The following CTNNA3 variants were observed in gnomAD, a reference collection of about 807,000 sequenced individuals.
The protein encoded by CTNNA3 is catenin alpha 3, also known as catenin alpha-3.
A neutral mutation model predicts 95.7 loss-of-function variants in CTNNA3; 76 were observed. That is an observed-to-expected ratio of 0.79 (90% CI 0.66 to 0.96). CTNNA3 has a LOEUF of 0.96. Among genes scored for constraint, CTNNA3 ranks in the 40% least tolerant of loss-of-function variants. The pLI is 0.00. For missense variants in CTNNA3, 1,191 were observed against 1,089.8 expected, an observed-to-expected ratio of 1.09 and a Z score of -1.31; for synonymous variants, 431 against 374.4, an observed-to-expected ratio of 1.15 and a Z score of -1.74.
chr10:65,931,283 T>C (rs1339866722), intron 17 of CTNNA3, among the ~76,000 whole-genome samples: 3 of 152,220 alleles, frequency 2.0e-5, no homozygotes, highest in African/African-American at 7.2e-5. Flanking sequence ...ATACATATCT[T>C]TCTCGTAGTC....
chr10:67,412,088 T>G (rs1349454277), intron 5 of CTNNA3, among the ~76,000 whole-genome samples: 1 of 152,132 alleles, frequency 6.6e-6, no homozygotes, highest in African/African-American at 2.4e-5. Context: ...TGGCAGCAAT[T>G]TGTTTAATTT....
intron 11 of CTNNA3, among the ~76,000 whole-genome samples, chr10:66,390,087 G>A (rs953211038): frequency 6.6e-6 from 1 of 152,138 alleles, no homozygotes; most frequent in Non-Finnish European, 1.5e-5. Flanking sequence ...TTGCCCCAGG[G>A]AAAGTAGAAA....
At chr10:67,047,150 T>C (rs1407536654) in intron 7 of CTNNA3, among the ~76,000 whole-genome samples, 1 of 152,180 alleles carries the variant, frequency 6.6e-6, no homozygotes, top group Non-Finnish European at 1.5e-5. Flanking sequence ...TCCCAATATA[T>C]AGAATCTCTA....
intron 9 of CTNNA3, among the ~76,000 whole-genome samples, chr10:66,646,453 T>A (rs776513498): frequency 6.6e-6 from 1 of 152,106 alleles, no homozygotes; most frequent in African/African-American, 2.4e-5. Flanking sequence ...GTGCTGACCT[T>A]TTTTGGGGCA....
At chr10:67,684,152 G>A (rs778805504) in intron 1 of CTNNA3, among the ~76,000 whole-genome samples, 19 of 152,110 alleles carry the variant, frequency 1.2e-4, no homozygotes, top group South Asian at 4.1e-4. Flanking sequence ...TGATTGGTCC[G>A]TTTTACAGAG....
intron 13 of CTNNA3, among the ~76,000 whole-genome samples, chr10:66,123,074 T>G (rs1164781046): frequency 6.6e-6 from 1 of 152,162 alleles, no homozygotes; most frequent in African/African-American, 2.4e-5. Context: ...ACAAAAGTCT[T>G]AACTCATTTC....
intron 9 of CTNNA3, among the ~76,000 whole-genome samples, chr10:66,696,504 A>G (rs188551349): frequency 4.6e-5 from 7 of 152,188 alleles, no homozygotes; most frequent in Admixed American, 3.9e-4. Context: ...TTATTCTCCC[A>G]ACTGTTAGAT....
At chr10:67,038,182 G>C (rs1401666981) in intron 7 of CTNNA3, among the ~76,000 whole-genome samples, 2 of 152,076 alleles carry the variant, frequency 1.3e-5, no homozygotes, top group Admixed American at 1.3e-4. Context: ...AATTCAGTTG[G>C]ATAATCCTCC....
intron 7 of CTNNA3, among the ~76,000 whole-genome samples, chr10:67,041,801 G>T: frequency 6.6e-6 from 1 of 152,064 alleles, no homozygotes; most frequent in East Asian, 1.9e-4. Flanking sequence ...ATTCAGTAAG[G>T]AAAGAATGAC....
At chr10:66,358,213 G>T (rs1215681733) in intron 12 of CTNNA3, among the ~76,000 whole-genome samples, 1 of 152,138 alleles carries the variant, frequency 6.6e-6, no homozygotes, top group Non-Finnish European at 1.5e-5. Flanking sequence ...AGAGTTAAAT[G>T]AGTTTCATCC....
At chr10:67,001,464 G>A (rs1851688399) in intron 7 of CTNNA3, among the ~76,000 whole-genome samples, 1 of 151,772 alleles carries the variant, frequency 6.6e-6, no homozygotes, top group African/African-American at 2.4e-5. Flanking sequence ...GGGACAGAAG[G>A]ATGGGGAAAT....
At chr10:66,858,039 AT>A (rs1342138870) in intron 7 of CTNNA3, among the ~76,000 whole-genome samples, 1 of 151,260 alleles carries the variant, frequency 6.6e-6, no homozygotes, top group South Asian at 2.1e-4. Context: ...TTGGCTGTAG[AT>A]TTTTTTTGGG....
At chr10:66,952,767 G>T (rs754702916) in intron 7 of CTNNA3, among the ~76,000 whole-genome samples, 1 of 151,740 alleles carries the variant, frequency 6.6e-6, no homozygotes. Flanking sequence ...CTTGGTTAGT[G>T]CTTATGTCCT....
intron 5 of CTNNA3, among the ~76,000 whole-genome samples, chr10:67,444,808 A>C (rs2132943956): frequency 6.6e-6 from 1 of 152,222 alleles, no homozygotes; most frequent in Admixed American, 6.5e-5. Flanking sequence ...GGAAATGGAA[A>C]AATTCCTAGA....
intron 7 of CTNNA3, among the ~76,000 whole-genome samples, chr10:66,971,600 G>A (rs1415143455): frequency 1.3e-5 from 2 of 152,012 alleles, no homozygotes; most frequent in African/African-American, 4.8e-5. Flanking sequence ...ATTACTTTAT[G>A]TAATGCACCT....
intron 7 of CTNNA3, among the ~76,000 whole-genome samples, chr10:67,008,373 T>C (rs943243944): frequency 6.6e-6 from 1 of 152,216 alleles, no homozygotes; most frequent in East Asian, 1.9e-4. Context: ...TAAAGATTTA[T>C]ATTCAGTTTT....
At chr10:66,876,414 T>A (rs541661302) in intron 7 of CTNNA3, among the ~76,000 whole-genome samples, 1 of 152,246 alleles carries the variant, frequency 6.6e-6, no homozygotes, top group African/African-American at 2.4e-5. Flanking sequence ...TGTTGAAGAG[T>A]CACCAGATAC....
chr10:66,650,644 A>C (rs10762085), intron 9 of CTNNA3, among the ~76,000 whole-genome samples: 100,324 of 151,980 alleles, frequency 0.66, 34,015 homozygotes, highest in East Asian at 0.95. Context: ...TCCAGAGTTT[A>C]TTCCTTCTGG....
At chr10:67,689,575 A>G (rs887599689) in intron 1 of CTNNA3, among the ~76,000 whole-genome samples, 1 of 152,184 alleles carries the variant, frequency 6.6e-6, no homozygotes, top group Non-Finnish European at 1.5e-5. Context: ...GAGATAGGAT[A>G]GATGGGCAAG....
Sources: gnomAD v4.1 joint callset for allele counts (sites outside exome capture counted in the v4.1 genomes callset) on GRCh38, gnomAD v4.1.1 for gene constraint, MANE v1.5 for transcripts, NCBI Gene and HGNC (gene_info 2026-07-23, HGNC 2026-07-21) for gene names.